CCDC192: variants seen among roughly 807,000 people sequenced by gnomAD.
CCDC192 encodes the protein coiled-coil domain containing 192.
At chr5:127,851,176 C>A (rs2127084317) in intron 5 of CCDC192, among the ~76,000 whole-genome samples, 1 of 152,214 alleles carries the variant, frequency 6.6e-6, no homozygotes, top group East Asian at 1.9e-4. Flanking sequence ...AATTTCTCAG[C>A]AGTAAATTAT....
intron 6 of CCDC192, among the ~76,000 whole-genome samples, chr5:127,915,967 G>C (rs1384866046): frequency 1.3e-5 from 2 of 152,210 alleles, no homozygotes; most frequent in African/African-American, 4.8e-5. Context: ...TTCCTTTCAT[G>C]AAAGTTTTCT....
rs1756214265 is a variant in CCDC192, at chr5:127,781,445, A to C, written c.223-15658A>C. 2.0e-5 allele frequency among the ~76,000 whole-genome samples: 3 copies of C among 151,990 alleles called. No homozygotes were observed. The South Asian group carries it at 6.2e-4, about 32-fold the overall frequency. Reference sequence around the variant, plus strand: ...CAATATGGTCATTTTCACAATATTGATTCTACCCATCCATGAGCATGGGAT... The same window carrying C: ...CAATATGGTCATTTTCACAATATTGCTTCTACCCATCCATGAGCATGGGAT... On this transcript the variant is annotated intron_variant, in intron 3 of 6. Transcript: ENST00000514853.
At chr5:127,743,208 CT>C (rs375118539) in intron 2 of CCDC192, among the ~76,000 whole-genome samples, 303 of 152,044 alleles carry the variant, frequency 2.0e-3, no homozygotes, top group African/African-American at 6.3e-3. Context: ...TTGGCCGTGG[CT>C]GTGTTCCTCT....
intron 3 of CCDC192, chr5:127,785,086 GC>G: frequency 1.9e-6 from 1 of 516,082 alleles, no homozygotes. Context: ...TACAGTGTAG[GC>G]ATCTTCTGTG....
At chr5:127,925,007 GTACAA>G (rs1191283208) in intron 6 of CCDC192, among the ~76,000 whole-genome samples, 5 of 152,146 alleles carry the variant, frequency 3.3e-5, no homozygotes, top group East Asian at 3.9e-4. Context: ...TTTGATTTAT[GTACAA>G]TACATCTCAA....
intron 2 of CCDC192, among the ~76,000 whole-genome samples, chr5:127,723,240 T>C (rs990160416): frequency 5.9e-5 from 9 of 152,204 alleles, no homozygotes; most frequent in Non-Finnish European, 1.3e-4. Context: ...ATTACTTTCT[T>C]GATTTCTTTT....
At chr5:127,798,686 G>A (rs1486129197) in intron 5 of CCDC192, among the ~76,000 whole-genome samples, 4 of 151,570 alleles carry the variant, frequency 2.6e-5, no homozygotes, top group African/African-American at 7.2e-5. Context: ...CAGGACACAC[G>A]TTAAGTGACA....
intron 5 of CCDC192, among the ~76,000 whole-genome samples, chr5:127,842,346 T>C (rs547436274): frequency 1.3e-5 from 2 of 152,348 alleles, no homozygotes; most frequent in East Asian, 3.8e-4. Context: ...AGCCTCGAAG[T>C]AGCTGGGATG....
chr5:127,717,866 G>T (rs1021469552), intron 2 of CCDC192, among the ~76,000 whole-genome samples: 1 of 137,964 alleles, frequency 7.2e-6, no homozygotes, highest in Non-Finnish European at 1.5e-5. Context: ...ATCATATTAT[G>T]TGCCTGGGAA....
At chr5:127,840,933 G>A (rs1750254737) in intron 5 of CCDC192, among the ~76,000 whole-genome samples, 1 of 152,196 alleles carries the variant, frequency 6.6e-6, no homozygotes, top group South Asian at 2.1e-4. Context: ...AGGAAGTGAA[G>A]TAAAAATGTT....
At chr5:127,788,083 G>GAA (rs60238996) in intron 3 of CCDC192, among the ~76,000 whole-genome samples, 11,351 of 94,338 alleles carry the variant, frequency 0.12, 1,337 homozygotes, top group African/African-American at 0.28. Context: ...CTTCACCTCA[G>GAA]AAAAAAAAAA....
chr5:127,786,141 G>A, intron 3 of CCDC192: 2 of 1,092,942 alleles, frequency 1.8e-6, no homozygotes, highest in Non-Finnish European at 2.8e-6. Flanking sequence ...GTTCTGTGTG[G>A]AAAATTTCCA....
At chr5:127,875,736 C>CA (rs1439775642) in intron 6 of CCDC192, 75 bp downstream of exon 6, 32 of 390,852 alleles carry the variant, frequency 8.2e-5, no homozygotes, top group East Asian at 1.8e-4. Flanking sequence ...GGCAACGAAG[C>CA]AAAAAAAACG....
intron 3 of CCDC192, among the ~76,000 whole-genome samples, chr5:127,771,025 T>A (rs931875582): frequency 3.9e-5 from 6 of 152,204 alleles, no homozygotes; most frequent in South Asian, 4.1e-4. Flanking sequence ...ATATCTAGGT[T>A]CTTTCAATTA....
chr5:127,893,342 G>C lies in CCDC192; in HGVS notation c.535+17681G>C, dbSNP rs73785722. 4.2e-3 allele frequency among the ~76,000 whole-genome samples: 647 copies of C among 152,290 alleles called. 7 individuals are homozygous for C. The highest frequency in any genetic ancestry group is 0.015 in the African/African-American group (618 of 41,540). On this transcript the variant is annotated intron_variant, in intron 6 of 6. Coordinates refer to ENST00000514853, the MANE Select transcript of CCDC192 (RefSeq NM_001317938.2). ...ATATGAGAATCAAAATAGCTACTTTGCAAGGTGGTTGTAAGATTGGGAGCA... is the reference window on the plus strand; with the variant it reads ...ATATGAGAATCAAAATAGCTACTTTCCAAGGTGGTTGTAAGATTGGGAGCA...
At chr5:127,803,426 G>A (rs570127231) in intron 5 of CCDC192, among the ~76,000 whole-genome samples, 22 of 152,236 alleles carry the variant, frequency 1.4e-4, no homozygotes, top group African/African-American at 4.1e-4. Context: ...TTACTTATCC[G>A]CTTAAAGACC....
chr5:127,786,582 T>A, intron 3 of CCDC192: 1 of 715,186 alleles, frequency 1.4e-6, no homozygotes, highest in Non-Finnish European at 2.6e-6. Flanking sequence ...AGATTTCACA[T>A]ATTCCTTTCG....
At chr5:127,719,558 T>TAC (rs372022175) in intron 2 of CCDC192, among the ~76,000 whole-genome samples, 3 of 20,858 alleles carry the variant, frequency 1.4e-4, no homozygotes, top group Non-Finnish European at 3.8e-4. Flanking sequence ...TATATATATA[T>TAC]ACACACATAC....
intron 2 of CCDC192, among the ~76,000 whole-genome samples, chr5:127,719,534 C>CATATAT (rs1158638020): frequency 1.4e-3 from 58 of 42,254 alleles, no homozygotes; most frequent in African/African-American, 2.6e-3. Flanking sequence ...TACACACATA[C>CATATAT]ATATATATAT....
Sources: allele counts gnomAD v4.1 joint callset (sites outside exome capture counted in the v4.1 genomes callset), GRCh38; gene constraint gnomAD v4.1.1; transcripts MANE v1.5; gene names NCBI Gene and HGNC (gene_info 2026-07-23, HGNC 2026-07-21).